The following CALM2 variants were observed in gnomAD, a reference collection of about 807,000 sequenced individuals.
CALM2 encodes calmodulin-2.
CALM2 carries 2 observed loss-of-function variants against 19.8 expected under a neutral mutation model. That is an observed-to-expected ratio of 0.10 (90% confidence interval 0.04 to 0.32). CALM2 has a LOEUF of 0.32. Among genes scored for constraint, CALM2 ranks in the 10% least tolerant of loss-of-function variants. The probability of loss-of-function intolerance (pLI) is 1.00; values close to 1 mark genes in which losing one functional copy is unlikely to be tolerated. For synonymous variants in CALM2, 51 were observed against 52.1 expected, an observed-to-expected ratio of 0.98 and a Z score of 0.09; for missense variants, 38 against 178.7, an observed-to-expected ratio of 0.21 and a Z score of 4.49.
chr2:47,169,078 A>T (rs1009297692), intron 2 of CALM2, among the ~76,000 whole-genome samples: 20 of 152,092 alleles, frequency 1.3e-4, no homozygotes, highest in Non-Finnish European at 2.6e-4. Flanking sequence ...CCGGCCAACA[A>T]ACTTTCTTTT....
chr2:47,170,884 A>C lies in CALM2; in HGVS notation c.4-120T>G, dbSNP rs957869040. On this transcript the variant is annotated intron_variant, in intron 1 of 5. Transcript: ENST00000272298. ...ACTGTTTCATTTAGTTCCAGCAACA[A>C]ACACATCTGGATAGAAAATGCACAC... 1.0e-5 allele frequency: 8 copies of C among 799,196 alleles called. No homozygotes were observed. The African/African-American group carries it at 1.2e-4, about 12-fold the overall frequency. 49.5% of individuals were successfully genotyped at this position (799,196 alleles called of 1,614,324 possible). A position where few individuals can be genotyped will look rare whatever the true frequency, so the allele number is the denominator to read the frequency against.
At chr2:47,176,936 T>C, upstream of CALM2, 1 of 985,432 alleles carries the variant, frequency 1.0e-6, no homozygotes, top group Non-Finnish European at 1.2e-6. Flanking sequence ...TCCTGGCAAC[T>C]GCGCCAGGCG....
At chr2:47,176,866 G>C (rs1350975082), upstream of CALM2, 5 of 985,296 alleles carry the variant, frequency 5.1e-6, no homozygotes, top group African/African-American at 1.7e-5. Context: ...GCGTCACTGG[G>C]ACTCGCAGCC....
chr2:47,176,200 C>G (rs1445053193), intron 1 of CALM2: 1 of 525,274 alleles, frequency 1.9e-6, no homozygotes, highest in Non-Finnish European at 3.4e-6. Flanking sequence ...AGGAGCTTCA[C>G]CACCTCGGGA....
intron 1 of CALM2, among the ~76,000 whole-genome samples, chr2:47,175,084 T>TTTTTTTGTTTG (rs1553433876): frequency 4.0e-4 from 52 of 129,962 alleles, no homozygotes; most frequent in African/African-American, 2.0e-3. Flanking sequence ...ATTAGGTGTT[T>TTTTTTTGTTTG]TTTTTTTTTT....
At chr2:47,173,133 G>T (rs115099368) in intron 1 of CALM2, 1 of 152,138 alleles carries the variant, frequency 6.6e-6, no homozygotes, top group Non-Finnish European at 1.5e-5. Context: ...TCAGGTTTTA[G>T]AATAAACTTT....
At chr2:47,176,553 TC>T (rs767579696), upstream of CALM2, 1 of 1,557,644 alleles carries the variant, frequency 6.4e-7, no homozygotes, top group Non-Finnish European at 8.7e-7. Context: ...AACACCTCCC[TC>T]CGCCAGATCC....
intron 1 of CALM2, among the ~76,000 whole-genome samples, chr2:47,175,388 T>C (rs1404928127): frequency 1.3e-5 from 2 of 152,102 alleles, no homozygotes; most frequent in African/African-American, 4.8e-5. Context: ...ATCCATCCAA[T>C]TGTTACAAGA....
chr2:47,168,043 A>G (rs144827429), intron 2 of CALM2, among the ~76,000 whole-genome samples: 19 of 152,182 alleles, frequency 1.2e-4, no homozygotes, highest in African/African-American at 3.9e-4. Flanking sequence ...AAATCTTAGG[A>G]TAGTAGTGCT....
intron 1 of CALM2, 191 bp downstream of exon 1, chr2:47,176,250 C>A: frequency 1.6e-6 from 1 of 644,030 alleles, no homozygotes; most frequent in Non-Finnish European, 2.7e-6. Flanking sequence ...GGAAGCCCCC[C>A]TGAAGAGAAT....
intron 2 of CALM2, among the ~76,000 whole-genome samples, chr2:47,169,874 C>T (rs757234276): frequency 6.6e-6 from 1 of 150,836 alleles, no homozygotes; most frequent in African/African-American, 2.4e-5. Context: ...ACTGTGAAAA[C>T]TGTGGCAAAT....
chr2:47,171,281 A>G (rs1666657906), intron 1 of CALM2: 1 of 152,326 alleles, frequency 6.6e-6, no homozygotes, highest in Non-Finnish European at 1.5e-5. Context: ...CAAATGTTTG[A>G]AAGTTCAGCC....
rs1056330865 is a variant in CALM2, at chr2:47,162,783, C to T, written c.35-121G>A. Reference sequence around the variant, plus strand: ...GGATCGTGCCAGTGAACAGCCACTGCACTTCAGCCTGGCCAAACTGTAAGA... The same window carrying T: ...GGATCGTGCCAGTGAACAGCCACTGTACTTCAGCCTGGCCAAACTGTAAGA... On this transcript the variant is annotated intron_variant, in intron 2 of 5. Coordinates refer to ENST00000272298, the MANE Select transcript of CALM2 (RefSeq NM_001743.6). 9 of 806,258 alleles carry T rather than the reference C, an allele frequency of 1.1e-5. No homozygotes were observed. The African/African-American group carries it at 1.2e-4, about 11-fold the overall frequency. The allele number at this position is 806,258 out of a possible 1,614,324, so 49.9% of individuals were successfully genotyped here.
chr2:47,161,159 G>C (rs1024229414), intron 5 of CALM2, among the ~76,000 whole-genome samples: 1 of 152,052 alleles, frequency 6.6e-6, no homozygotes, highest in Non-Finnish European at 1.5e-5. Context: ...TACATTTTAT[G>C]CTCTTTTCTA....
chr2:47,176,765 C>G (rs1325778184), upstream of CALM2: 1 of 985,326 alleles, frequency 1.0e-6, no homozygotes, highest in Non-Finnish European at 1.2e-6. Flanking sequence ...CTGAGGGGCG[C>G]TACTTTGCGG....
At chr2:47,172,924 T>G (rs1007587704) in intron 1 of CALM2, 1 of 152,302 alleles carries the variant, frequency 6.6e-6, no homozygotes, top group African/African-American at 2.4e-5. Context: ...CCAATTTTGC[T>G]TGGAAAGTCA....
At chr2:47,172,614 C>T in intron 1 of CALM2, 1 of 418,328 alleles carries the variant, frequency 2.4e-6, no homozygotes. Context: ...TCAATGTTAA[C>T]TTTGTTTAAG....
intron 1 of CALM2, among the ~76,000 whole-genome samples, chr2:47,175,325 AG>A (rs1666818629): frequency 1.3e-5 from 2 of 152,128 alleles, no homozygotes; most frequent in Admixed American, 1.3e-4. Context: ...CTTGAACATT[AG>A]GACTGCACGC....
intron 1 of CALM2, chr2:47,171,486 G>A (rs925793500): frequency 6.6e-6 from 1 of 152,178 alleles, no homozygotes; most frequent in Admixed American, 6.5e-5. Flanking sequence ...AATGAGGCTA[G>A]GGTTAAGTGG....
Sources: allele counts gnomAD v4.1 joint callset (sites outside exome capture counted in the v4.1 genomes callset), GRCh38; gene constraint gnomAD v4.1.1; transcripts MANE v1.5; gene names NCBI Gene and HGNC (gene_info 2026-07-23, HGNC 2026-07-21).